The following SPART variants were observed in gnomAD, a reference collection of about 807,000 sequenced individuals.
SPART encodes spartin, also known as spastic paraplegia 20 (Troyer syndrome).
A neutral mutation model predicts 58.7 loss-of-function variants in SPART; 35 were observed. The observed-to-expected ratio is 0.60, with a 90% confidence interval of 0.46 to 0.79. SPART has a LOEUF of 0.79. Ranked by LOEUF, SPART falls within the 30% of genes least tolerant of loss-of-function variation. The pLI is 0.00. For synonymous variants in SPART, 284 were observed against 280.7 expected (o/e 1.01, Z -0.12); for missense variants, 730 against 786.1 (o/e 0.93, Z 0.85).
chr13:36,356,307 T>C (rs1885620264), intron 1 of SPART, among the ~76,000 whole-genome samples: 1 of 152,240 alleles, frequency 6.6e-6, no homozygotes, highest in Non-Finnish European at 1.5e-5. Flanking sequence ...GTAAGCAGCC[T>C]GGACGCTCTG....
At chr13:36,306,317 A>C (rs1880505212) in intron 8 of SPART, among the ~76,000 whole-genome samples, 1 of 152,030 alleles carries the variant, frequency 6.6e-6, no homozygotes, top group African/African-American at 2.4e-5. Context: ...CCAGTAACAA[A>C]TACTACTGTC....
Position 36,312,048 on chromosome 13 carries a change from T to C in SPART, c.1733+97A>G, listed in dbSNP as rs1253252994. 1.1e-5 allele frequency: 13 copies of C among 1,142,346 alleles called. 1 individual carries two copies. Among genetic ancestry groups the C allele is most frequent in the East Asian group, 2.5e-5 (1 of 40,600 alleles). 70.8% of individuals were successfully genotyped at this position (1,142,346 alleles called of 1,614,324 possible). A position where few individuals can be genotyped will look rare whatever the true frequency, so the allele number is the denominator to read the frequency against. ...GTTGCAGTGACCTAAGATCGCGCCA[T>C]TGCACTCCAGCTTGGGCAACAAGAG... On this transcript the variant is annotated intron_variant, in intron 8 of 8. Coordinates refer to ENST00000438666, the MANE Select transcript of SPART (RefSeq NM_015087.5).
chr13:36,359,240 G>A (rs1162179951), intron 1 of SPART, among the ~76,000 whole-genome samples: 1 of 152,144 alleles, frequency 6.6e-6, no homozygotes, highest in Non-Finnish European at 1.5e-5. Context: ...TATATGGAGT[G>A]GGGTTTATTG....
upstream of SPART, among the ~76,000 whole-genome samples, chr13:36,349,401 T>G (rs1885325616): frequency 6.6e-6 from 1 of 152,226 alleles, no homozygotes; most frequent in Non-Finnish European, 1.5e-5. Flanking sequence ...CTAGGAATAT[T>G]CGTACTACTG....
chr13:36,310,978 G>A (rs939424089), intron 8 of SPART, among the ~76,000 whole-genome samples: 2 of 151,940 alleles, frequency 1.3e-5, no homozygotes, highest in African/African-American at 2.4e-5. Context: ...CTGTTATTTC[G>A]TGTGTTTGGT....
At chr13:36,306,833 C>T (rs1291922241) in intron 8 of SPART, among the ~76,000 whole-genome samples, 1 of 152,162 alleles carries the variant, frequency 6.6e-6, no homozygotes, top group Non-Finnish European at 1.5e-5. Flanking sequence ...CAAGTTTCTA[C>T]CTCTTTACAT....
chr13:36,310,931 G>A (rs368682883), intron 8 of SPART, among the ~76,000 whole-genome samples: 47 of 151,636 alleles, frequency 3.1e-4, no homozygotes, highest in African/African-American at 1.1e-3. Flanking sequence ...CATGCATACC[G>A]CTCTTCTCTC....
At chr13:36,357,286 C>T (rs1033368683) in intron 1 of SPART, among the ~76,000 whole-genome samples, 29 of 152,182 alleles carry the variant, frequency 1.9e-4, no homozygotes, top group African/African-American at 6.5e-4. Flanking sequence ...AAGCCCCTTG[C>T]GCATTGATGG....
At chr13:36,309,150 A>G (rs1281294147) in intron 8 of SPART, among the ~76,000 whole-genome samples, 1 of 151,596 alleles carries the variant, frequency 6.6e-6, no homozygotes, top group Non-Finnish European at 1.5e-5. Context: ...AGGCTGAGGC[A>G]GGAGAATGGT....
At chr13:36,348,634 T>A (rs979078208), upstream of SPART, among the ~76,000 whole-genome samples, 1 of 152,064 alleles carries the variant, frequency 6.6e-6, no homozygotes, top group African/African-American at 2.4e-5. Context: ...TACTTAGAAA[T>A]AAATGTAATA....
rs372442615 is a variant in SPART, at chr13:36,366,748, A to G, written c.-3+3341T>C. On this transcript the variant is annotated intron_variant, in intron 1 of 8. Transcript: ENST00000355182. The stretch of plus-strand genomic sequence containing the variant: ...CTGTCTTTGCCCTTCCTTCTTGCCT[A>G]TTAAACTCTCCACTCCTTAAAACCA... 1.2e-4 allele frequency among the ~76,000 whole-genome samples: 18 copies of G among 152,012 alleles called. No individual in the cohort carries two copies. In the East Asian group the frequency reaches 2.3e-3, roughly 20 times the overall value.
chr13:36,327,240 A>G (rs1209344434), intron 4 of SPART, among the ~76,000 whole-genome samples: 1 of 152,238 alleles, frequency 6.6e-6, no homozygotes, highest in Non-Finnish European at 1.5e-5. Context: ...AGCTGTGATG[A>G]GAGCCTGGGC....
chr13:36,316,513 A>T (rs1445657036), intron 5 of SPART, among the ~76,000 whole-genome samples: 1 of 152,158 alleles, frequency 6.6e-6, no homozygotes, highest in Non-Finnish European at 1.5e-5. Flanking sequence ...TTACCTTGTG[A>T]AAGTCCTTTT....
intron 6 of SPART, 37 bp downstream of exon 6, chr13:36,314,190 T>C: frequency 6.3e-7 from 1 of 1,585,748 alleles, no homozygotes; most frequent in Non-Finnish European, 8.6e-7. Context: ...ATTTTAAATA[T>C]AACTTTAAAA....
upstream of SPART, among the ~76,000 whole-genome samples, chr13:36,349,638 G>A (rs939791393): frequency 3.9e-5 from 6 of 152,304 alleles, no homozygotes; most frequent in Middle Eastern, 3.4e-3. Context: ...CGATAATTGT[G>A]AAATTCTGTG....
Position 36,312,403 on chromosome 13 carries a change from G to GT in SPART, c.1557dup (p.Leu520ThrfsTer7). The GT allele has an allele frequency of 1.9e-6, 3 of 1,614,070 alleles. No homozygotes were observed. The South Asian group carries it at 3.3e-5, about 18-fold the overall frequency. ...TCTTTTTTAAGAGATTCTGGAACAA[G>GT]TTTGCTTCCATGCTTCTTGACATGT... is the stretch of plus-strand genomic sequence containing the variant. On this transcript the variant is annotated frameshift_variant, in exon 7 of 9. Transcript: ENST00000438666. LOFTEE classifies it high-confidence loss of function.
At chr13:36,343,897 C>A (rs1884803301) in intron 1 of SPART, among the ~76,000 whole-genome samples, 1 of 152,054 alleles carries the variant, frequency 6.6e-6, no homozygotes, top group African/African-American at 2.4e-5. Flanking sequence ...ATTAAATGAG[C>A]TCTCGCCTGT....
At chr13:36,312,631 T>C in intron 6 of SPART, 154 bp from the exon 7 acceptor site, 1 of 857,704 alleles carries the variant, frequency 1.2e-6, no homozygotes, top group Non-Finnish European at 1.8e-6. Context: ...AGAGAGGAGG[T>C]CTCACTATGT....
intron 1 of SPART, among the ~76,000 whole-genome samples, chr13:36,353,947 AC>A (rs1885519582): frequency 6.6e-6 from 1 of 152,204 alleles, no homozygotes; most frequent in Admixed American, 6.5e-5. Context: ...TCCTGGCAAC[AC>A]CTGGAAAGCT....
Sources: gnomAD v4.1 joint callset for allele counts (sites outside exome capture counted in the v4.1 genomes callset) on GRCh38, gnomAD v4.1.1 for gene constraint, MANE v1.5 for transcripts, NCBI Gene and HGNC (gene_info 2026-07-23, HGNC 2026-07-21) for gene names.